The following EIF4E variants were observed in gnomAD, a reference collection of about 807,000 sequenced individuals.
EIF4E encodes eIF-4F 25 kDa subunit.
For missense variants in EIF4E, 113 were observed against 265.6 expected (o/e 0.43, Z 3.99); for synonymous variants, 71 against 88.5 (o/e 0.80, Z 1.11).
chr4:98,888,052 G>C, intron 3 of EIF4E, 100 bp from the exon 4 acceptor site: 3 of 1,019,392 alleles, frequency 2.9e-6, no homozygotes, highest in Non-Finnish European at 4.3e-6. Flanking sequence ...AAAATAAACA[G>C]ATAAAAGTTC....
At chr4:98,910,953 A>C (rs929728634) in intron 1 of EIF4E, among the ~76,000 whole-genome samples, 4 of 150,964 alleles carry the variant, frequency 2.6e-5, no homozygotes, top group African/African-American at 7.3e-5. Flanking sequence ...CTGGTCTTGA[A>C]CTCCTCCTGA....
intron 1 of EIF4E, among the ~76,000 whole-genome samples, chr4:98,928,671 G>A (rs903100676): frequency 6.6e-6 from 1 of 151,912 alleles, no homozygotes; most frequent in Non-Finnish European, 1.5e-5. Context: ...CTGCTCCAGG[G>A]CTCCCTCCTC....
intron 1 of EIF4E, among the ~76,000 whole-genome samples, chr4:98,923,791 A>G (rs1344926607): frequency 6.6e-6 from 1 of 152,246 alleles, no homozygotes; most frequent in Non-Finnish European, 1.5e-5. Flanking sequence ...AAGAGGGAAA[A>G]TAGTATGTAA....
intron 5 of EIF4E, 142 bp from the exon 6 acceptor site, chr4:98,885,203 A>G (rs977551705): frequency 9.6e-6 from 10 of 1,037,398 alleles, no homozygotes; most frequent in Middle Eastern, 2.3e-4. Context: ...TTTTATTTGC[A>G]TATATTGATC....
rs1365427659 is a variant in EIF4E, at chr4:98,909,791, T to A, written c.19-7809A>T. Reference sequence around the variant, plus strand: ...TGCTTCTTTTTCATGCATCACTTTTTCTCGACCAACTGCTTCACCACAGGA... The same window carrying A: ...TGCTTCTTTTTCATGCATCACTTTTACTCGACCAACTGCTTCACCACAGGA... On this transcript the variant is annotated intron_variant, in intron 1 of 6. Transcript: ENST00000450253. 5.7e-6 allele frequency: 4 copies of A among 703,194 alleles called. No individual in the cohort carries two copies. The South Asian group carries it at 5.9e-5, about 10-fold the overall frequency. The allele number at this position is 703,194 out of a possible 1,614,324, so 43.6% of individuals were successfully genotyped here.
Position 98,879,397 on chromosome 4 carries a change from G to A in EIF4E, c.*1631C>T, listed in dbSNP as rs1366569475. The A allele has an allele frequency of 2.0e-5, 3 of 151,998 alleles. No homozygotes were observed. The highest frequency in any genetic ancestry group is 6.6e-5 in the Admixed American group (1 of 15,260). The allele number at this position is 151,998 out of a possible 1,614,324, so 9.4% of individuals were successfully genotyped here. A position where few individuals can be genotyped will look rare whatever the true frequency, so the allele number is the denominator to read the frequency against. ...CTCTCAAAATAATAATTTCCATTCT[G>A]CTACCTACAGTTTGGCTTATCCTTT... On this transcript the variant is annotated 3_prime_UTR_variant, in exon 7 of 7. Coordinates refer to ENST00000450253, the MANE Select transcript of EIF4E (RefSeq NM_001968.5).
chr4:98,928,975 A>C (rs11723037), intron 1 of EIF4E, 120 bp downstream of exon 1: 2 of 1,573,666 alleles, frequency 1.3e-6, no homozygotes, highest in Non-Finnish European at 8.6e-7. Context: ...TCCAACATGA[A>C]GGGGAAGGGG....
At chr4:98,902,903 G>C (rs1724711085) in intron 1 of EIF4E, among the ~76,000 whole-genome samples, 1 of 152,130 alleles carries the variant, frequency 6.6e-6, no homozygotes, top group East Asian at 1.9e-4. Context: ...AAGTGATCAA[G>C]CCAATGATGC....
At chr4:98,895,281 G>C (rs1222156385) in intron 2 of EIF4E, 1 of 152,140 alleles carries the variant, frequency 6.6e-6, no homozygotes, top group Non-Finnish European at 1.5e-5. Context: ...TCAATTTATA[G>C]AAAAGGCATG....
chr4:98,918,754 G>A (rs896284801), intron 1 of EIF4E, among the ~76,000 whole-genome samples: 9 of 152,166 alleles, frequency 5.9e-5, no homozygotes, highest in African/African-American at 1.4e-4. Flanking sequence ...GTGTTGATAT[G>A]TAATGCTCTA....
Position 98,887,142 on chromosome 4 carries a change from T to A in EIF4E, c.336A>T (p.Arg112=). 1.2e-6 allele frequency: 2 copies of A among 1,614,060 alleles called. No individual in the cohort carries two copies. The highest frequency in any genetic ancestry group is 1.7e-6 in the Non-Finnish European group (2 of 1,179,918). The part of the protein sequence containing the change: ...WEDEKNKRGG[R]WLITLNKQQR... ...GCTGTTTGTTCAATGTAATTAGCCA[T>A]CGTCCTCCCCGTTTGTTTTTCTCAT... Residue 112 remains arginine (R), a synonymous_variant, in exon 5 of 7, where the codon CGA becomes CGT. Transcript: ENST00000450253. The surrounding 1 kb of genome is among the most constrained non-coding windows in gnomAD (Gnocchi z 4.0).
At chr4:98,920,252 T>C (rs182499188) in intron 1 of EIF4E, among the ~76,000 whole-genome samples, 2 of 152,308 alleles carry the variant, frequency 1.3e-5, no homozygotes, top group Admixed American at 1.3e-4. Context: ...TATAAATTGG[T>C]TTCCTTTGTA....
At chr4:98,909,406 G>A (rs529788626) in intron 1 of EIF4E, 6 of 403,346 alleles carry the variant, frequency 1.5e-5, no homozygotes, top group African/African-American at 1.3e-4. Flanking sequence ...ATTAAATCAG[G>A]CAAAGAAATG....
rs531953774 is a variant in EIF4E, at chr4:98,911,193, C to T, written c.19-9211G>A. On this transcript the variant is annotated intron_variant, in intron 1 of 6. Transcript: ENST00000450253. The stretch of plus-strand genomic sequence containing the variant: ...CCTCCCAAGTAGCTGGGATTACAGG[C>T]GCCTGCCACCACGCCCGGCTAATTT... Among the ~76,000 whole-genome samples the T allele has an allele frequency of 3.2e-3, 482 of 151,680 alleles. 2 individuals carry two copies. Among genetic ancestry groups the T allele is most frequent in the African/African-American group, 0.01 (418 of 41,408 alleles).
intron 2 of EIF4E, among the ~76,000 whole-genome samples, chr4:98,893,343 T>C (rs1724237565): frequency 6.6e-6 from 1 of 152,230 alleles, no homozygotes; most frequent in Non-Finnish European, 1.5e-5. Flanking sequence ...GTCACACTGA[T>C]TGACTCTTCA....
At chr4:98,924,291 C>T (rs1725780269) in intron 1 of EIF4E, among the ~76,000 whole-genome samples, 1 of 152,090 alleles carries the variant, frequency 6.6e-6, no homozygotes, top group Non-Finnish European at 1.5e-5. Flanking sequence ...GTTGATCAGG[C>T]TGGTCTCAAA....
intron 1 of EIF4E, among the ~76,000 whole-genome samples, chr4:98,928,448 C>T (rs1282726712): frequency 6.6e-6 from 1 of 152,120 alleles, no homozygotes; most frequent in African/African-American, 2.4e-5. Flanking sequence ...CAAACACCGG[C>T]AACTCTCCGG....
intron 1 of EIF4E, among the ~76,000 whole-genome samples, chr4:98,912,252 C>T (rs1275086007): frequency 2.1e-5 from 3 of 139,794 alleles, no homozygotes; most frequent in Admixed American, 1.5e-4. Context: ...AACTCCGTCT[C>T]GAAAAAAAAA....
At chr4:98,900,349 G>A (rs1724594055) in intron 2 of EIF4E, among the ~76,000 whole-genome samples, 1 of 152,040 alleles carries the variant, frequency 6.6e-6, no homozygotes, top group South Asian at 2.1e-4. Context: ...AAACTGATTT[G>A]TTCCTCACTG....
Sources: gnomAD v4.1 joint callset for allele counts (sites outside exome capture counted in the v4.1 genomes callset) on GRCh38, gnomAD v4.1.1 for gene constraint, Gnocchi (gnomAD v3.1) non-coding constraint, MANE v1.5 for transcripts, NCBI Gene and HGNC (gene_info 2026-07-23, HGNC 2026-07-21) for gene names.